Variants in ROBO2 observed in about 807,000 individuals in gnomAD.
The protein encoded by ROBO2 is roundabout homolog 2.
A neutral mutation model predicts 160.8 loss-of-function variants in ROBO2; 53 were observed. The ratio of observed to expected loss-of-function variants is 0.33; its 90% CI spans 0.26 to 0.41. The LOEUF (loss-of-function observed/expected upper bound fraction) is 0.41. Ranked by LOEUF, ROBO2 falls within the 10% of genes least tolerant of loss-of-function variation. The pLI, the probability that ROBO2 is intolerant of heterozygous loss-of-function variation, is 1.00. For missense variants in ROBO2, 1,577 were observed against 1,722.4 expected (o/e 0.92, Z 1.49); for synonymous variants, 664 against 611.7 (o/e 1.09, Z -1.26).
chr3:76,972,006 T>G (rs1307923682), intron 2 of ROBO2, among the ~76,000 whole-genome samples: 1 of 152,224 alleles, frequency 6.6e-6, no homozygotes, highest in African/African-American at 2.4e-5. Context: ...TCTGACAAAC[T>G]CACTGTTTTG....
chr3:77,418,590 A>G (rs1014095533), intron 2 of ROBO2, among the ~76,000 whole-genome samples: 1 of 152,114 alleles, frequency 6.6e-6, no homozygotes, highest in African/African-American at 2.4e-5. Context: ...TAAGAGCCAC[A>G]AAGAAAAGTA....
chr3:77,402,523 C>T (rs1028324464), intron 2 of ROBO2, among the ~76,000 whole-genome samples: 1 of 152,050 alleles, frequency 6.6e-6, no homozygotes, highest in Non-Finnish European at 1.5e-5. Context: ...CACCTGAAAC[C>T]GGTGATCAGA....
Position 76,157,952 on chromosome 3 carries a change from TTC to T in ROBO2, c.109+220354_109+220355del, listed in dbSNP as rs543135319. ...ATTACCATATCAGATAGGAAATTCA[TTC>T]TCTTTCCTCCAGATCAGAAAATGCC... On this transcript the variant is annotated intron_variant, in intron 2 of 26. Transcript: ENST00000487694. Among the ~76,000 whole-genome samples the T allele has an allele frequency of 5.9e-5, 9 of 152,302 alleles. No homozygotes were observed. In the South Asian group the frequency reaches 1.7e-3, roughly 28 times the overall value.
At chr3:76,604,803 A>G (rs1191179401) in intron 2 of ROBO2, among the ~76,000 whole-genome samples, 1 of 152,124 alleles carries the variant, frequency 6.6e-6, no homozygotes, top group Non-Finnish European at 1.5e-5. Context: ...ATAGTTAGAG[A>G]TTTCACCTGC....
intron 2 of ROBO2, among the ~76,000 whole-genome samples, chr3:76,869,848 G>A (rs2071837346): frequency 6.6e-6 from 1 of 152,082 alleles, no homozygotes; most frequent in South Asian, 2.1e-4. Flanking sequence ...GTAAGATTTT[G>A]GAGCGTTGTT....
intron 2 of ROBO2, among the ~76,000 whole-genome samples, chr3:76,824,537 ATCTT>A (rs2066404310): frequency 6.6e-6 from 1 of 152,052 alleles, no homozygotes; most frequent in Non-Finnish European, 1.5e-5. Context: ...GCTACCCCAT[ATCTT>A]TCTTTCATTT....
chr3:76,560,664 G>A (rs886718948), intron 2 of ROBO2, among the ~76,000 whole-genome samples: 2 of 149,004 alleles, frequency 1.3e-5, no homozygotes, highest in African/African-American at 2.5e-5. Context: ...ACTGACTCCC[G>A]GTAAGTCTAT....
At chr3:76,469,526 C>T (rs896261254) in intron 2 of ROBO2, among the ~76,000 whole-genome samples, 2 of 152,042 alleles carry the variant, frequency 1.3e-5, no homozygotes, top group African/African-American at 4.8e-5. Flanking sequence ...CCTGCCTACT[C>T]ACTTGAGCCT....
intron 22 of ROBO2, chr3:77,618,028 G>C (rs1435991318): frequency 2.0e-6 from 1 of 499,450 alleles, no homozygotes; most frequent in Admixed American, 3.5e-5. Flanking sequence ...ACTAAAACTA[G>C]AACTAGAGCA....
chr3:77,068,344 C>T (rs191079045), intron 1 of ROBO2, among the ~76,000 whole-genome samples: 34 of 152,156 alleles, frequency 2.2e-4, no homozygotes, highest in Admixed American at 2.2e-3. Flanking sequence ...CTACAAGTTT[C>T]CTTCTATTGT....
intron 2 of ROBO2, among the ~76,000 whole-genome samples, chr3:77,033,251 C>T (rs1290503878): frequency 1.3e-5 from 2 of 152,186 alleles, no homozygotes; most frequent in African/African-American, 4.8e-5. Context: ...TACCCCTTCT[C>T]TTTGCAGAGA....
At chr3:76,449,703 CT>C (rs2077378498) in intron 2 of ROBO2, among the ~76,000 whole-genome samples, 1 of 152,114 alleles carries the variant, frequency 6.6e-6, no homozygotes, top group East Asian at 1.9e-4. Flanking sequence ...AATCTTTAGA[CT>C]TTACTTCTGC....
intron 2 of ROBO2, among the ~76,000 whole-genome samples, chr3:77,282,935 G>T (rs2060335514): frequency 1.4e-5 from 2 of 147,964 alleles, no homozygotes; most frequent in Admixed American, 6.9e-5. Flanking sequence ...TTAAATAACT[G>T]ATGGCATAAA....
At chr3:77,405,422 A>G (rs1305220051) in intron 2 of ROBO2, among the ~76,000 whole-genome samples, 1 of 152,116 alleles carries the variant, frequency 6.6e-6, no homozygotes, top group Admixed American at 6.6e-5. Context: ...AAAATATCAT[A>G]GTACCATTCA....
At chr3:77,515,879 G>A (rs6548515) in intron 5 of ROBO2, among the ~76,000 whole-genome samples, 110,932 of 151,450 alleles carry the variant, frequency 0.73, 40,806 homozygotes, top group East Asian at 0.8. Context: ...TAGGACATTA[G>A]ACTAGGCTCA....
At chr3:75,962,856 A>G (rs1948970120) in intron 2 of ROBO2, among the ~76,000 whole-genome samples, 1 of 151,862 alleles carries the variant, frequency 6.6e-6, no homozygotes, top group African/African-American at 2.4e-5. Flanking sequence ...TTCTCTACAG[A>G]TGATGGGTAG....
chr3:76,591,914 T>G (rs1368745988), intron 2 of ROBO2, among the ~76,000 whole-genome samples: 1 of 152,142 alleles, frequency 6.6e-6, no homozygotes, highest in Non-Finnish European at 1.5e-5. Flanking sequence ...CCATGTAATA[T>G]GAGGATTTAG....
At chr3:76,959,035 A>G (rs1577842273) in intron 2 of ROBO2, among the ~76,000 whole-genome samples, 1 of 152,312 alleles carries the variant, frequency 6.6e-6, no homozygotes, top group East Asian at 1.9e-4. Context: ...ATACAACATT[A>G]ACTGTTAGAA....
At chr3:76,940,788 C>T (rs560328329) in intron 2 of ROBO2, among the ~76,000 whole-genome samples, 1 of 152,280 alleles carries the variant, frequency 6.6e-6, no homozygotes, top group African/African-American at 2.4e-5. Context: ...CCCATTGTAT[C>T]ACATAAGTAT....
Sources: gnomAD v4.1 joint callset for allele counts (sites outside exome capture counted in the v4.1 genomes callset) on GRCh38, gnomAD v4.1.1 for gene constraint, MANE v1.5 for transcripts, NCBI Gene and HGNC (gene_info 2026-07-23, HGNC 2026-07-21) for gene names.